The following PCM1 variants were observed in gnomAD, a reference collection of about 807,000 sequenced individuals.
PCM1 encodes pericentriolar material 1 protein.
Under a neutral mutation model 241.9 loss-of-function variants are expected in PCM1, and 157 were observed. The ratio of observed to expected loss-of-function variants is 0.65; its 90% CI spans 0.57 to 0.74. The LOEUF is 0.74. Among genes scored for constraint, PCM1 ranks in the 30% least tolerant of loss-of-function variants. The probability of loss-of-function intolerance (pLI) is 0.00; values close to 1 mark genes in which losing one functional copy is unlikely to be tolerated. For synonymous variants in PCM1, 1,085 were observed against 784.9 expected (o/e 1.38, Z -6.39); for missense variants, 3,478 against 2,360.1 (o/e 1.47, Z -9.81).
chr8:17,927,534 A>C (rs961891030), intron 2 of PCM1: 1 of 152,072 alleles, frequency 6.6e-6, no homozygotes, highest in African/African-American at 2.4e-5. Context: ...ATATGTCTCT[A>C]TAGTTAGAAT....
Position 17,980,763 on chromosome 8 carries a change from C to CT in PCM1, c.4108+14dup. On this transcript the variant is annotated intron_variant, in intron 24 of 38. Transcript: ENST00000325083. ...CTACAGAAATATCTTCAGGTATGTT[C>CT]TTTTTTGGTTTGCATTAATATAAGG... The CT allele has an allele frequency of 6.3e-7, 1 of 1,592,932 alleles. No homozygotes were observed. Among genetic ancestry groups the CT allele is most frequent in the Non-Finnish European group, 8.5e-7 (1 of 1,171,294 alleles).
intron 30 of PCM1, 84 bp downstream of exon 30, chr8:18,006,481 C>A (rs1453537122): frequency 3.5e-6 from 3 of 852,736 alleles, no homozygotes; most frequent in Non-Finnish European, 5.8e-6. Flanking sequence ...CATTTTCTTG[C>A]ATTACACAAT....
At chr8:17,987,652 T>A (rs1052694186) in intron 26 of PCM1, among the ~76,000 whole-genome samples, 2 of 151,856 alleles carry the variant, frequency 1.3e-5, no homozygotes, top group South Asian at 2.1e-4. Flanking sequence ...AAAACTTAAA[T>A]TCAGCATTAA....
chr8:17,947,166 T>G lies in PCM1; in HGVS notation c.784-20T>G. On this transcript the variant is annotated intron_variant, in intron 6 of 38. Coordinates refer to ENST00000325083, the MANE Select transcript of PCM1 (RefSeq NM_006197.4). ...GGATTTTAATAGTCAGATACAAGTA[T>G]TGTTGGTCTTATTTTCCAGGCCAGA... 1 of 1,518,270 alleles carries G rather than the reference T, an allele frequency of 6.6e-7. No individual in the cohort carries two copies. 94.0% of individuals were successfully genotyped at this position (1,518,270 alleles called of 1,614,324 possible). A position where few individuals can be genotyped will look rare whatever the true frequency, so the allele number is the denominator to read the frequency against.
At chr8:17,939,105 G>T in intron 5 of PCM1, 96 bp downstream of exon 5, 1 of 1,227,646 alleles carries the variant, frequency 8.1e-7, no homozygotes, top group Non-Finnish European at 1.1e-6. Context: ...AGGAATTTTA[G>T]TTGGGTGGAA....
intron 26 of PCM1, among the ~76,000 whole-genome samples, 158 bp from the exon 27 acceptor site, chr8:17,989,701 T>A (rs2083840798): frequency 6.6e-6 from 1 of 152,062 alleles, no homozygotes; most frequent in Admixed American, 6.6e-5. Flanking sequence ...TTAATAACTT[T>A]GGTTATATTA....
intron 29 of PCM1, among the ~76,000 whole-genome samples, chr8:18,000,460 G>A (rs891895222): frequency 6.6e-6 from 1 of 152,122 alleles, no homozygotes; most frequent in Admixed American, 6.5e-5. Flanking sequence ...TTAGATAAGG[G>A]TGGTGATAAA....
At chr8:17,990,695 T>C (rs1421117290) in intron 27 of PCM1, among the ~76,000 whole-genome samples, 1 of 152,132 alleles carries the variant, frequency 6.6e-6, no homozygotes, top group East Asian at 1.9e-4. Context: ...GGTGCTTAGT[T>C]GATAAAATAA....
chr8:18,012,663 T>G (rs1349135158), intron 34 of PCM1, among the ~76,000 whole-genome samples: 1 of 152,202 alleles, frequency 6.6e-6, no homozygotes, highest in African/African-American at 2.4e-5. Flanking sequence ...TACTCAGTGA[T>G]TGTTTTCAAG....
intron 2 of PCM1, among the ~76,000 whole-genome samples, chr8:17,930,282 A>G (rs945932005): frequency 4.0e-5 from 6 of 151,490 alleles, no homozygotes; most frequent in African/African-American, 1.5e-4. Flanking sequence ...TTGTATTTTT[A>G]GTAGAGGTGA....
chr8:18,017,613 G>A (rs1458642368), intron 36 of PCM1, among the ~76,000 whole-genome samples: 7 of 152,188 alleles, frequency 4.6e-5, no homozygotes, highest in Admixed American at 1.3e-4. Context: ...CAGCCCTTTG[G>A]GAGGCCAAGG....
chr8:17,996,021 T>C (rs2086592229), intron 29 of PCM1, among the ~76,000 whole-genome samples: 2 of 152,132 alleles, frequency 1.3e-5, no homozygotes, highest in Non-Finnish European at 2.9e-5. Context: ...TTGGATCCCC[T>C]CTATTTCTTT....
chr8:17,923,153 C>T lies in PCM1; in HGVS notation c.-126C>T, dbSNP rs1051565101. 9.8e-5 allele frequency: 15 copies of T among 152,584 alleles called. No homozygotes were observed. The highest frequency in any genetic ancestry group is 3.1e-4 in the African/African-American group (13 of 41,472). 9.5% of individuals were successfully genotyped at this position (152,584 alleles called of 1,614,324 possible). A position where few individuals can be genotyped will look rare whatever the true frequency, so the allele number is the denominator to read the frequency against. On this transcript the variant is annotated 5_prime_UTR_variant, in exon 1 of 39. Transcript: ENST00000325083. ...GGCGGGTCGTGGGGGCTGACTGTCG[C>T]TCTGCCTTTGACAGGAGAGGCTGCT...
chr8:17,938,485 T>G (rs2061091230), intron 4 of PCM1, among the ~76,000 whole-genome samples: 1 of 152,188 alleles, frequency 6.6e-6, no homozygotes, highest in Non-Finnish European at 1.5e-5. Flanking sequence ...AAGCTGTACT[T>G]CATTTAGACT....
At chr8:17,923,365 C>T (rs1242754913) in intron 1 of PCM1, among the ~76,000 whole-genome samples, 177 bp downstream of exon 1, 3 of 152,206 alleles carry the variant, frequency 2.0e-5, no homozygotes, top group Non-Finnish European at 2.9e-5. Context: ...TCAGTCCGCC[C>T]GCTCCCTCAG....
chr8:17,951,310 T>A (rs1239697729), intron 8 of PCM1, among the ~76,000 whole-genome samples: 1 of 152,186 alleles, frequency 6.6e-6, no homozygotes, highest in East Asian at 1.9e-4. Flanking sequence ...GAAGATGCAG[T>A]GTCTCTTGTC....
chr8:17,939,913 G>A, intron 6 of PCM1, 52 bp downstream of exon 6: 3 of 1,175,824 alleles, frequency 2.6e-6, no homozygotes, highest in Non-Finnish European at 3.6e-6. Flanking sequence ...ATCTCAGTGT[G>A]TATTTACTGA....
intron 20 of PCM1, 150 bp downstream of exon 20, chr8:17,966,623 A>G: frequency 3.1e-6 from 2 of 644,624 alleles, no homozygotes; most frequent in East Asian, 5.6e-5. Context: ...TGATTTACCT[A>G]ATGTTTCCTT....
chr8:17,952,872 C>T (rs561930867), intron 8 of PCM1, 98 bp from the exon 9 acceptor site: 122 of 756,106 alleles, frequency 1.6e-4, no homozygotes, highest in Admixed American at 2.3e-4. Context: ...GCAAATATTT[C>T]TTTCTCTTTA....
Sources: gnomAD v4.1 joint callset for allele counts (sites outside exome capture counted in the v4.1 genomes callset) on GRCh38, gnomAD v4.1.1 for gene constraint, MANE v1.5 for transcripts, NCBI Gene and HGNC (gene_info 2026-07-23, HGNC 2026-07-21) for gene names.